Variants in HERC2 observed in about 807,000 individuals in gnomAD.
HERC2 encodes the protein E3 ubiquitin-protein ligase HERC2.
In HERC2, 102 loss-of-function variants were observed where a neutral mutation model predicts 537.7. That is an observed-to-expected ratio of 0.19 (90% confidence interval 0.16 to 0.22). The LOEUF (loss-of-function observed/expected upper bound fraction) is 0.22. Ranked by LOEUF, HERC2 falls within the 10% of genes least tolerant of loss-of-function variation. HERC2 has a pLI of 1.00. For missense variants in HERC2, 4,236 were observed against 6,198.2 expected (o/e 0.68, Z 10.63); for synonymous variants, 2,224 against 2,466.2 (o/e 0.90, Z 2.91).
chr15:28,207,292 G>A (rs780402096), intron 44 of HERC2, among the ~76,000 whole-genome samples: 11 of 152,052 alleles, frequency 7.2e-5, no homozygotes, highest in Middle Eastern at 3.4e-3. Flanking sequence ...ACGCCACCAC[G>A]CCCGGCTAAT....
rs1351507774 is a variant in HERC2, at chr15:28,116,700, C to T, written c.13574G>A (p.Arg4525Lys). The T allele has an allele frequency of 1.2e-6, 2 of 1,613,558 alleles. No individual in the cohort carries two copies. Among genetic ancestry groups the T allele is most frequent in the South Asian group, 1.1e-5 (1 of 91,004 alleles). Residue 4525 changes from arginine to lysine, a missense_variant, in exon 88 of 93, where the codon AGA (arginine) becomes AAA (lysine). By Grantham distance (26) the Arg-to-Lys change is conservative (BLOSUM62 2). This residue lies in a region of HERC2 where 313 missense variants were observed against 462.6 expected (regional missense o/e 0.68). Transcript: ENST00000261609. ...RDCYLLSPAA[R>K]APVHSSMFRF... is the part of the protein sequence containing the mutation. ...GAACATGCTGCTGTGCACGGGTGCTCTGGCGGCCGGGCTGAGCAGGTAGCA... is the reference window on the plus strand; with the variant it reads ...GAACATGCTGCTGTGCACGGGTGCTTTGGCGGCCGGGCTGAGCAGGTAGCA...
intron 55 of HERC2, among the ~76,000 whole-genome samples, chr15:28,188,750 G>A (rs1183500407): frequency 6.6e-6 from 1 of 152,068 alleles, no homozygotes; most frequent in Admixed American, 6.6e-5. Context: ...TGGGTGACAG[G>A]TTTGTGAGGG....
rs547587372 is a variant in HERC2 at position 28,200,849 on chromosome 15, G to C, written c.7716+607C>G. ...TATACAGGTGAAATGAGATGATTTG[G>C]GGGATTTTCTCTAAAATATACTAAA... is the stretch of plus-strand genomic sequence containing the variant. On this transcript the variant is annotated intron_variant, in intron 48 of 92. Transcript: ENST00000261609. 1.8e-4 allele frequency among the ~76,000 whole-genome samples: 25 copies of C among 141,418 alleles called. No individual in the cohort carries two copies. In the East Asian group the frequency reaches 4.9e-3, roughly 28 times the overall value. The allele number at this position is 141,418 out of a possible 152,430, so 92.8% of individuals were successfully genotyped here.
rs145504068 is a variant in HERC2 at position 28,150,884 on chromosome 15, T to G, written c.10900+1793A>C. Among the ~76,000 whole-genome samples, 596 of 152,316 alleles carry G rather than the reference T, an allele frequency of 3.9e-3. 6 individuals carry two copies. Among genetic ancestry groups the G allele is most frequent in the African/African-American group, 0.014 (566 of 41,564 alleles). ...GGCTTTAATATCCAGAAAAACTACC[T>G]TTCAAATTTGAAGGACAAAAACTCT... On this transcript the variant is annotated intron_variant, in intron 70 of 92. Coordinates refer to ENST00000261609, the MANE Select transcript of HERC2 (RefSeq NM_004667.6).
At chr15:28,235,357 C>T (rs1252013271) in intron 26 of HERC2, among the ~76,000 whole-genome samples, 2 of 152,248 alleles carry the variant, frequency 1.3e-5, no homozygotes, top group South Asian at 2.1e-4. Flanking sequence ...CCCTGGAACT[C>T]GCCAGCCCTG....
Position 28,132,687 on chromosome 15 carries a change from T to C in HERC2, c.12374A>G (p.His4125Arg). ...WGKGRYGRLG[H>R]SDSEDQLKPK... is the part of the protein sequence containing the mutation. The stretch of plus-strand genomic sequence containing the variant: ...CTTCAGCTGGTCCTCACTGTCGCTG[T>C]GCCCCAGCCGGCCGTAGCGGCCTTT... The change falls in exon 80 of 93, where the codon CAC becomes CGC. Residue 4125 changes from histidine to arginine, a missense_variant. His to Arg is a conservative substitution (Grantham distance 29, BLOSUM62 0). Coordinates refer to ENST00000261609, the MANE Select transcript of HERC2 (RefSeq NM_004667.6). 2 of 1,582,346 alleles carry C rather than the reference T, an allele frequency of 1.3e-6. No individual in the cohort carries two copies. The highest frequency in any genetic ancestry group is 1.7e-6 in the Non-Finnish European group (2 of 1,163,822).
Position 28,299,506 on chromosome 15 carries a change from G to C in HERC2, c.83C>G (p.Thr28Arg). 7.0e-7 allele frequency: 1 copy of C among 1,431,396 alleles called. No homozygotes were observed. Among genetic ancestry groups the C allele is most frequent in the Non-Finnish European group, 9.8e-7 (1 of 1,015,340 alleles). 88.7% of individuals were successfully genotyped at this position (1,431,396 alleles called of 1,614,324 possible). Residue 28 changes from threonine to arginine, a missense_variant, in exon 3 of 93, where the codon ACA (threonine) becomes AGA (arginine). Thr to Arg is a moderately conservative substitution (Grantham distance 71). Around this residue, in one of 27 missense-constraint regions of HERC2, gnomAD observed 13 missense variants for 43.1 expected, o/e 0.30. Transcript: ENST00000261609. The part of the protein sequence containing the change: ...WLKTDIQLAF[T>R]RDGLCGLWNE... ...CCACAGACCACAGAGCCCATCTCTT[G>C]TGAATGCAAGCTGGCAATGATAAAC...
chr15:28,297,240 C>T (rs1027164448), intron 3 of HERC2, among the ~76,000 whole-genome samples: 2 of 151,992 alleles, frequency 1.3e-5, no homozygotes, highest in African/African-American at 4.8e-5. Flanking sequence ...ACTGTTCAGT[C>T]GTAATCACTG....
At chr15:28,217,517 A>G (rs1335787977) in intron 38 of HERC2, among the ~76,000 whole-genome samples, 11 of 151,878 alleles carry the variant, frequency 7.2e-5, no homozygotes, top group Non-Finnish European at 1.6e-4. Flanking sequence ...ACCCACACTC[A>G]CATGTGCTCA....
intron 50 of HERC2, 39 bp downstream of exon 50, chr15:28,198,339 A>C: frequency 6.3e-7 from 1 of 1,599,904 alleles, no homozygotes; most frequent in Non-Finnish European, 8.5e-7. Flanking sequence ...CGTTAATGAA[A>C]AGTTAACATC....
chr15:28,285,595 G>A (rs1326680256), intron 4 of HERC2, among the ~76,000 whole-genome samples: 1 of 150,598 alleles, frequency 6.6e-6, no homozygotes, highest in African/African-American at 2.4e-5. Context: ...TTAGAAACTT[G>A]GAAACAAATC....
At chr15:28,204,444 AC>A (rs1350740871) in intron 45 of HERC2, among the ~76,000 whole-genome samples, 1 of 151,830 alleles carries the variant, frequency 6.6e-6, no homozygotes, top group African/African-American at 2.4e-5. Flanking sequence ...ACATGGTAAA[AC>A]CCCATCTCTA....
chr15:28,251,230 G>T (rs1255425595), intron 20 of HERC2, among the ~76,000 whole-genome samples: 2 of 151,994 alleles, frequency 1.3e-5, no homozygotes, highest in Admixed American at 6.6e-5. Context: ...ATTACCTCAG[G>T]TTGGGAGTTC....
chr15:28,111,655 G>C lies in HERC2; in HGVS notation c.*108C>G, dbSNP rs557582036. On this transcript the variant is annotated 3_prime_UTR_variant, in exon 93 of 93. Coordinates refer to ENST00000261609, the MANE Select transcript of HERC2 (RefSeq NM_004667.6). ...TCCACTCCCTCCTCCCGCCTGGCTC[G>C]AGGACGGACGCTTCTCATCAGACAC... 1.3e-5 allele frequency: 16 copies of C among 1,231,564 alleles called. No homozygotes were observed. The African/African-American group carries it at 2.0e-4, about 15-fold the overall frequency. 76.3% of individuals were successfully genotyped at this position (1,231,564 alleles called of 1,614,324 possible).
rs1383559761 is a variant in HERC2, at chr15:28,218,643, G to A, written c.5874C>T (p.His1958=). 1 of 1,587,018 alleles carries A rather than the reference G, an allele frequency of 6.3e-7. No homozygotes were observed. The highest frequency in any genetic ancestry group is 2.2e-5 in the East Asian group (1 of 44,816). Reference sequence around the variant, plus strand: ...TGCTGGTAAACATCATTGCAGTGGGGTGAATGTTCCTTTCAGTTTGTTCGG... The same window carrying A: ...TGCTGGTAAACATCATTGCAGTGGGATGAATGTTCCTTTCAGTTTGTTCGG... ...SEAEQTERNI[H]PTAMMFTSTI... is the part of the protein sequence containing the mutation. Residue 1958 remains histidine, a synonymous_variant, in exon 38 of 93, where the codon CAC becomes CAT. Coordinates refer to ENST00000261609, the MANE Select transcript of HERC2 (RefSeq NM_004667.6).
intron 35 of HERC2, among the ~76,000 whole-genome samples, chr15:28,223,332 G>A (rs1900730103): frequency 6.6e-6 from 1 of 152,180 alleles, no homozygotes; most frequent in Admixed American, 6.5e-5. Flanking sequence ...TCCTCCAGGT[G>A]GGCGGGAAAA....
rs2076357562 is a variant in HERC2 at position 28,292,901 on chromosome 15, C to T, written c.309G>A (p.Trp103Ter). The T allele has an allele frequency of 6.2e-7, 1 of 1,609,906 alleles. No homozygotes were observed. The change falls in exon 4 of 93, where the codon TGG becomes TGA. Residue 103 changes from tryptophan (W) to a stop codon, truncating the protein, a stop_gained. Coordinates refer to ENST00000261609, the MANE Select transcript of HERC2 (RefSeq NM_004667.6). LOFTEE classifies it high-confidence loss of function. ...TCACAAGATTACCTGGTTGCTTGCCCCATACCCAGCTGTCCAGAATTGACT... is the reference window on the plus strand; with the variant it reads ...TCACAAGATTACCTGGTTGCTTGCCTCATACCCAGCTGTCCAGAATTGACT... The part of the protein sequence containing the change: ...RAKSILDSWV[W>*]GKQPDVNELK...
rs1364910051 is a variant in HERC2, at chr15:28,176,419, T to C, written c.9686+9A>G. The stretch of plus-strand genomic sequence containing the variant: ...CACACACAGTGTGACAGGGAGGACG[T>C]TTACGTACCATGTCCACACCACTCC... On this transcript the variant is annotated intron_variant, in intron 63 of 92. Coordinates refer to ENST00000261609, the MANE Select transcript of HERC2 (RefSeq NM_004667.6). This position sits in a 1 kb window ranked among gnomAD's most constrained non-coding sequence, Gnocchi z 5.0. The C allele has an allele frequency of 6.2e-7, 1 of 1,613,620 alleles. No homozygotes were observed. Among genetic ancestry groups the C allele is most frequent in the East Asian group, 2.2e-5 (1 of 44,900 alleles).
At chr15:28,186,882 T>G (rs1896358811) in intron 55 of HERC2, 130 bp from the exon 56 acceptor site, 2 of 559,532 alleles carry the variant, frequency 3.6e-6, no homozygotes, top group Admixed American at 3.1e-5. Flanking sequence ...GTTCTGGAAA[T>G]ATCAACTGAG....
Sources: gnomAD v4.1 joint callset for allele counts (sites outside exome capture counted in the v4.1 genomes callset) on GRCh38, gnomAD v4.1.1 for gene constraint, gnomAD v4.1.1 regional missense constraint, Gnocchi (gnomAD v3.1) non-coding constraint, MANE v1.5 for transcripts, NCBI Gene and HGNC (gene_info 2026-07-23, HGNC 2026-07-21) for gene names.